The following PTCHD4 variants were observed in gnomAD, a reference collection of about 807,000 sequenced individuals.
The protein encoded by PTCHD4 is patched domain-containing protein 4.
Under a neutral mutation model 58.1 loss-of-function variants are expected in PTCHD4, and 33 were observed. That is an observed-to-expected ratio of 0.57 (90% CI 0.43 to 0.76). The LOEUF is 0.76. Among genes scored for constraint, PTCHD4 ranks in the 30% least tolerant of loss-of-function variants. PTCHD4 has a pLI of 0.00. For missense variants in PTCHD4, 1,058 were observed against 1,027.1 expected, an observed-to-expected ratio of 1.03 and a Z score of -0.41; for synonymous variants, 478 against 409.6, an observed-to-expected ratio of 1.17 and a Z score of -2.02.
At chr6:48,105,982 C>A (rs1292874197) in intron 1 of PTCHD4, among the ~76,000 whole-genome samples, 1 of 152,016 alleles carries the variant, frequency 6.6e-6, no homozygotes, top group Non-Finnish European at 1.5e-5. Flanking sequence ...AAAAAAAAGT[C>A]CAGGACAAGA....
rs938360604 is a variant in PTCHD4, at chr6:47,866,972, T to C, written c.*11331A>G. ...CATCACATATAATTTACATTTGGAC[T>C]TCTCTGTACATGCACCTTTCATACT... On this transcript the variant is annotated 3_prime_UTR_variant, in exon 5 of 5. Transcript: ENST00000339488. 7.9e-5 allele frequency among the ~76,000 whole-genome samples: 12 copies of C among 151,828 alleles called. No homozygotes were observed. The highest frequency in any genetic ancestry group is 1.5e-4 in the Non-Finnish European group (10 of 67,854).
intron 4 of PTCHD4, among the ~76,000 whole-genome samples, chr6:47,966,820 G>C (rs1767313747): frequency 2.6e-5 from 4 of 152,058 alleles, no homozygotes. Context: ...CCATTTTCAG[G>C]CTTCACTTCT....
chr6:48,078,304 T>C (rs1582117648), intron 1 of PTCHD4, among the ~76,000 whole-genome samples: 1 of 152,158 alleles, frequency 6.6e-6, no homozygotes, highest in Non-Finnish European at 1.5e-5. Flanking sequence ...CCATTGAAGA[T>C]TGGGAGTGGC....
Position 47,879,646 on chromosome 6 carries a change from G to A in PTCHD4, c.1189C>T (p.Arg397Cys), listed in dbSNP as rs1401420321. ...LVFAGQLEQN[R>C]YHSIFCCKIP... is the part of the protein sequence containing the mutation. ...TTACAGCAAAAGATGCTGTGGTAGCGGTTTTGCTCTAGTTGGCCAGCAAAG... is the reference window on the plus strand; with the variant it reads ...TTACAGCAAAAGATGCTGTGGTAGCAGTTTTGCTCTAGTTGGCCAGCAAAG... Residue 397 changes from arginine (R) to cysteine (C), a missense_variant, in exon 5 of 5, where the codon CGC becomes TGC. Coordinates refer to ENST00000339488, the MANE Select transcript of PTCHD4 (RefSeq NM_001384253.1). 8 of 1,613,476 alleles carry A rather than the reference G, an allele frequency of 5.0e-6. No homozygotes were observed. The highest frequency in any genetic ancestry group is 1.3e-5 in the African/African-American group (1 of 74,892).
intron 3 of PTCHD4, among the ~76,000 whole-genome samples, chr6:48,026,900 T>G (rs1017946793): frequency 7.4e-6 from 1 of 134,804 alleles, no homozygotes; most frequent in Admixed American, 8.2e-5. Context: ...ATTGAGTACA[T>G]AACCTCAATT....
At chr6:48,023,460 A>G (rs565151510) in intron 3 of PTCHD4, among the ~76,000 whole-genome samples, 6 of 152,334 alleles carry the variant, frequency 3.9e-5, no homozygotes, top group Non-Finnish European at 5.9e-5. Flanking sequence ...AATTAGGCCA[A>G]TTTAAATCAA....
At chr6:48,109,236 A>G (rs997022367) in intron 1 of PTCHD4, among the ~76,000 whole-genome samples, 1 of 152,268 alleles carries the variant, frequency 6.6e-6, no homozygotes, top group Non-Finnish European at 1.5e-5. Flanking sequence ...CAAAGAATAA[A>G]GATAAAAGTT....
intron 4 of PTCHD4, among the ~76,000 whole-genome samples, chr6:47,958,728 A>T (rs1349725917): frequency 2.0e-5 from 3 of 152,190 alleles, no homozygotes; most frequent in Non-Finnish European, 4.4e-5. Context: ...AAACTACCCT[A>T]AATTACAGGG....
At chr6:48,051,345 T>C (rs1764227371) in intron 3 of PTCHD4, among the ~76,000 whole-genome samples, 1 of 152,058 alleles carries the variant, frequency 6.6e-6, no homozygotes, top group Non-Finnish European at 1.5e-5. Context: ...ACATCTTAGC[T>C]ATAGTTACTT....
intron 1 of PTCHD4, among the ~76,000 whole-genome samples, chr6:48,078,715 CTT>C (rs1286862600): frequency 6.6e-6 from 1 of 151,782 alleles, no homozygotes; most frequent in East Asian, 1.9e-4. Flanking sequence ...AGCAGAAACT[CTT>C]TTTTTTCTGA....
intron 3 of PTCHD4, among the ~76,000 whole-genome samples, chr6:48,015,366 A>G (rs1762832480): frequency 1.3e-5 from 2 of 152,020 alleles, no homozygotes; most frequent in Non-Finnish European, 2.9e-5. Flanking sequence ...CACTTGCAAT[A>G]GGAATACAAC....
At chr6:48,034,416 A>C (rs1163367299) in intron 3 of PTCHD4, among the ~76,000 whole-genome samples, 2 of 152,080 alleles carry the variant, frequency 1.3e-5, no homozygotes, top group African/African-American at 4.8e-5. Context: ...GTGGGCCTTG[A>C]CATGAGGAAT....
At chr6:48,050,948 T>C (rs577822191) in intron 3 of PTCHD4, among the ~76,000 whole-genome samples, 2 of 152,174 alleles carry the variant, frequency 1.3e-5, no homozygotes, top group East Asian at 3.9e-4. Context: ...TGTACTTCAC[T>C]TTGCTAGTAC....
chr6:47,950,585 G>GT (rs940778100), intron 4 of PTCHD4, among the ~76,000 whole-genome samples: 13 of 152,056 alleles, frequency 8.5e-5, no homozygotes, highest in Admixed American at 6.5e-4. Flanking sequence ...TTTCAATGAG[G>GT]TTTTAAAAAA....
intron 3 of PTCHD4, among the ~76,000 whole-genome samples, chr6:48,018,196 G>T (rs1170687536): frequency 1.3e-5 from 2 of 152,152 alleles, no homozygotes; most frequent in African/African-American, 2.4e-5. Context: ...CAAGACTCCT[G>T]GTTTCAAGTT....
At chr6:47,964,318 A>G (rs1042055139) in intron 4 of PTCHD4, among the ~76,000 whole-genome samples, 5 of 151,194 alleles carry the variant, frequency 3.3e-5, no homozygotes, top group African/African-American at 1.2e-4. Flanking sequence ...AAGTGTTATT[A>G]CCACATTTTT....
At chr6:47,974,388 GT>G (rs1318756578) in intron 4 of PTCHD4, among the ~76,000 whole-genome samples, 1 of 152,152 alleles carries the variant, frequency 6.6e-6, no homozygotes, top group African/African-American at 2.4e-5. Context: ...AGCTAGAAGT[GT>G]TTTAAGAGTT....
chr6:48,082,058 C>T (rs1207210992), intron 1 of PTCHD4, among the ~76,000 whole-genome samples: 3 of 152,118 alleles, frequency 2.0e-5, no homozygotes, highest in East Asian at 1.9e-4. Context: ...TTGGATATGT[C>T]CTTTTTAAGA....
chr6:48,022,711 A>T (rs964572872), intron 3 of PTCHD4, among the ~76,000 whole-genome samples: 14 of 151,872 alleles, frequency 9.2e-5, no homozygotes, highest in Non-Finnish European at 1.9e-4. Context: ...TAAATTCCAT[A>T]CTCTTGGATA....
Sources: allele counts gnomAD v4.1 joint callset (sites outside exome capture counted in the v4.1 genomes callset), GRCh38; gene constraint gnomAD v4.1.1; transcripts MANE v1.5; gene names NCBI Gene and HGNC (gene_info 2026-07-23, HGNC 2026-07-21).